CCNH: variants seen among roughly 807,000 people sequenced by gnomAD.
CCNH encodes cyclin H.
In CCNH, 31 loss-of-function variants were observed where a neutral mutation model predicts 41.9. The observed-to-expected ratio is 0.74, with a 90% CI of 0.56 to 1.00. The LOEUF (loss-of-function observed/expected upper bound fraction) is 1.00, where lower values mean the gene tolerates loss of function less well. CCNH is among the 50% of genes least tolerant of loss of function. The pLI is 0.00. For missense variants in CCNH, 362 were observed against 388.4 expected (o/e 0.93, Z 0.57); for synonymous variants, 138 against 136.1 (o/e 1.01, Z -0.10).
chr5:87,400,274 A>G (rs148247427), intron 6 of CCNH, among the ~76,000 whole-genome samples: 100 of 152,336 alleles, frequency 6.6e-4, no homozygotes, highest in African/African-American at 2.4e-3. Context: ...TTGTAACTCA[A>G]CACCCTTAGG....
chr5:87,350,762 CA>C (rs1368929860), intron 9 of CCNH, among the ~76,000 whole-genome samples: 2 of 150,730 alleles, frequency 1.3e-5, no homozygotes, highest in Non-Finnish European at 3.0e-5. Flanking sequence ...TGGCCTTGAC[CA>C]TTCCCCCAGA....
chr5:87,393,841 C>T (rs1476007705), downstream of CCNH: 1 of 152,066 alleles, frequency 6.6e-6, no homozygotes, highest in African/African-American at 2.4e-5. Flanking sequence ...TTTGCTGCTA[C>T]CTACTTATCT....
intron 9 of CCNH, among the ~76,000 whole-genome samples, chr5:87,349,974 G>A (rs1448537399): frequency 1.3e-5 from 2 of 151,824 alleles, no homozygotes; most frequent in South Asian, 2.1e-4. Flanking sequence ...ATTTGTGAAC[G>A]TAAAGGTTTT....
intron 9 of CCNH, among the ~76,000 whole-genome samples, chr5:87,371,232 A>C (rs1394791633): frequency 6.6e-6 from 1 of 151,998 alleles, no homozygotes; most frequent in African/African-American, 2.4e-5. Flanking sequence ...TGGTATTTCC[A>C]GTTTTTGTTG....
At chr5:87,335,788 G>T (rs1757935027) in intron 9 of CCNH, among the ~76,000 whole-genome samples, 1 of 152,128 alleles carries the variant, frequency 6.6e-6, no homozygotes, top group Admixed American at 6.5e-5. Context: ...ATAGCTCAGT[G>T]AACTAATATT....
intron 9 of CCNH, among the ~76,000 whole-genome samples, chr5:87,337,436 C>T (rs920630611): frequency 1.3e-5 from 2 of 151,828 alleles, no homozygotes; most frequent in African/African-American, 4.8e-5. Flanking sequence ...TTAAACAAGC[C>T]CTGGTTTTTT....
intron 9 of CCNH, chr5:87,353,067 G>GA (rs1243157093): frequency 9.9e-7 from 1 of 1,010,486 alleles, no homozygotes; most frequent in Non-Finnish European, 1.5e-6. Flanking sequence ...TTGCTAATTA[G>GA]ATAATCCTTG....
intron 4 of CCNH, 95 bp downstream of exon 4, chr5:87,407,878 TAAC>T: frequency 1.1e-6 from 1 of 898,452 alleles, no homozygotes; most frequent in Non-Finnish European, 1.8e-6. Flanking sequence ...ATCCATGCTA[TAAC>T]AACGAGGATG....
downstream of CCNH, chr5:87,374,050 G>A (rs977910088): frequency 1.1e-4 from 100 of 945,336 alleles, no homozygotes; most frequent in Non-Finnish European, 1.2e-4. Context: ...TGAAAAAAAA[G>A]GGGAAAATAA....
intron 6 of CCNH, among the ~76,000 whole-genome samples, chr5:87,401,275 T>C (rs1763388233): frequency 6.6e-6 from 1 of 152,248 alleles, no homozygotes; most frequent in Non-Finnish European, 1.5e-5. Flanking sequence ...CTCTGCTGTC[T>C]TAACAGTGCC....
intron 7 of CCNH, among the ~76,000 whole-genome samples, chr5:87,395,870 T>G (rs985188339): frequency 3.9e-5 from 6 of 152,010 alleles, no homozygotes; most frequent in African/African-American, 1.4e-4. Context: ...GAAGACTTTT[T>G]CTCAAAAAAG....
downstream of CCNH, chr5:87,390,775 T>A (rs190284062): frequency 3.3e-5 from 53 of 1,585,804 alleles, 1 homozygote; most frequent in Admixed American, 3.3e-4. Flanking sequence ...TTCATTTATT[T>A]TCATACCATT....
At chr5:87,405,736 C>T (rs1256152051) in intron 4 of CCNH, among the ~76,000 whole-genome samples, 1 of 152,100 alleles carries the variant, frequency 6.6e-6, no homozygotes, top group Non-Finnish European at 1.5e-5. Context: ...TCACTTATCC[C>T]TCTACTTGCT....
At chr5:87,326,793 C>T (rs984505587) in intron 9 of CCNH, among the ~76,000 whole-genome samples, 4 of 151,796 alleles carry the variant, frequency 2.6e-5, no homozygotes, top group Admixed American at 6.6e-5. Flanking sequence ...CACTTGCAGC[C>T]CCAATTAATT....
upstream of CCNH, among the ~76,000 whole-genome samples, chr5:87,379,295 T>C (rs1031107234): frequency 6.6e-5 from 10 of 152,170 alleles, no homozygotes; most frequent in African/African-American, 2.4e-4. Flanking sequence ...AGGGAGTCTC[T>C]GGACTTTAGA....
intron 3 of CCNH, among the ~76,000 whole-genome samples, chr5:87,408,774 G>A (rs1333184421): frequency 1.3e-5 from 2 of 152,164 alleles, no homozygotes; most frequent in African/African-American, 4.8e-5. Flanking sequence ...TTGACTGGTG[G>A]AAATGGGAAT....
chr5:87,400,375 C>A (rs1341564152), intron 6 of CCNH, among the ~76,000 whole-genome samples: 1 of 152,054 alleles, frequency 6.6e-6, no homozygotes, highest in Non-Finnish European at 1.5e-5. Flanking sequence ...CATTTTAAAA[C>A]AAGTGGAGCA....
At chr5:87,366,772 C>A (rs1285561544) in intron 9 of CCNH, among the ~76,000 whole-genome samples, 7 of 152,246 alleles carry the variant, frequency 4.6e-5, no homozygotes, top group Non-Finnish European at 1.0e-4. Context: ...TGGCTCACGC[C>A]TGTAATCCCA....
At chr5:87,407,580 A>C (rs1461977437) in intron 4 of CCNH, among the ~76,000 whole-genome samples, 1 of 152,224 alleles carries the variant, frequency 6.6e-6, no homozygotes, top group Non-Finnish European at 1.5e-5. Context: ...CTTCTAGTTT[A>C]AGAATTTTTT....
Sources: gnomAD v4.1 joint callset for allele counts (sites outside exome capture counted in the v4.1 genomes callset) on GRCh38, gnomAD v4.1.1 for gene constraint, MANE v1.5 for transcripts, NCBI Gene and HGNC (gene_info 2026-07-23, HGNC 2026-07-21) for gene names.